RBM5: variants seen among roughly 807,000 people sequenced by gnomAD.
RBM5 encodes the protein RNA binding motif protein 5.
RBM5 carries 15 observed loss-of-function variants against 124.6 expected under a neutral mutation model. That is an observed-to-expected ratio of 0.12 (90% CI 0.08 to 0.19). RBM5 has a LOEUF of 0.19. RBM5 is among the 10% of genes least tolerant of loss of function. RBM5 has a pLI of 1.00. For synonymous variants in RBM5, 337 were observed against 361.2 expected, an observed-to-expected ratio of 0.93 and a Z score of 0.76; for missense variants, 580 against 1,026.5, an observed-to-expected ratio of 0.57 and a Z score of 5.94.
chr3:50,107,290 G>A (rs2091050995), intron 11 of RBM5, among the ~76,000 whole-genome samples, 192 bp from the exon 12 acceptor site: 1 of 152,210 alleles, frequency 6.6e-6, no homozygotes, highest in African/African-American at 2.4e-5. Flanking sequence ...CAGGTTACAA[G>A]GTAGAACAAT....
At chr3:50,097,876 G>A (rs2090852846) in intron 4 of RBM5, among the ~76,000 whole-genome samples, 1 of 152,166 alleles carries the variant, frequency 6.6e-6, no homozygotes, top group Non-Finnish European at 1.5e-5. Context: ...CAAGGTGGGT[G>A]GATTACCTGA....
intron 8 of RBM5, chr3:50,104,765 A>G (rs933058694): frequency 3.0e-6 from 1 of 330,174 alleles, no homozygotes; most frequent in Non-Finnish European, 5.5e-6. Context: ...CTTAGGTTAG[A>G]TAATGCTGCT....
chr3:50,107,444 T>C (rs1305421651), intron 11 of RBM5, 38 bp from the exon 12 acceptor site: 8 of 1,491,998 alleles, frequency 5.4e-6, no homozygotes, highest in Non-Finnish European at 4.7e-6. Context: ...GTGGGAATAC[T>C]GTGATAGAAT....
intron 17 of RBM5, among the ~76,000 whole-genome samples, chr3:50,111,513 A>T (rs2091144430): frequency 6.6e-6 from 1 of 151,938 alleles, no homozygotes; most frequent in African/African-American, 2.4e-5. Flanking sequence ...AGTAGCTGGT[A>T]GCTGGGATTA....
intron 3 of RBM5, 38 bp downstream of exon 3, chr3:50,092,246 C>A: frequency 3.8e-6 from 6 of 1,596,848 alleles, no homozygotes; most frequent in South Asian, 1.1e-5. Flanking sequence ...CCAAAACACT[C>A]TGAGCCTTAT....
Position 50,089,241 on chromosome 3 carries a change from C to G in RBM5, c.-54+212C>G, listed in dbSNP as rs537607047. ...TCCAGCCAGCTCAGCCTTGGGCCTG[C>G]TTCTTTCTGGCTGTGACTTTGCCCC... On this transcript the variant is annotated intron_variant, in intron 1 of 24. Transcript: ENST00000347869. Among the ~76,000 whole-genome samples the G allele has an allele frequency of 7.9e-5, 12 of 152,360 alleles. No homozygotes were observed. In the Middle Eastern group the frequency reaches 0.014, roughly 174 times the overall value.
chr3:50,099,925 A>G (rs1279047094), intron 4 of RBM5, 57 bp from the exon 5 acceptor site: 4 of 1,452,570 alleles, frequency 2.8e-6, no homozygotes, highest in African/African-American at 2.8e-5. Context: ...TTCCTATTCC[A>G]TGGGGAATAG....
In RBM5 at chr3:50,115,988, G is replaced by A; in HGVS notation, c.2094+8G>A. 1 of 1,608,338 alleles carries A rather than the reference G, an allele frequency of 6.2e-7. No individual in the cohort carries two copies. Among genetic ancestry groups the A allele is most frequent in the Non-Finnish European group, 8.5e-7 (1 of 1,174,806 alleles). ...GAGCTAAGGGAGAGAGAGGTGAATGGGAAACTGTGCCACAAGGAAGAGGAT... is the reference window on the plus strand; with the variant it reads ...GAGCTAAGGGAGAGAGAGGTGAATGAGAAACTGTGCCACAAGGAAGAGGAT... On this transcript the variant is annotated splice_region_variant and intron_variant, in intron 22 of 24. Transcript: ENST00000347869.
chr3:50,110,228 GT>G, intron 15 of RBM5, 150 bp from the exon 16 acceptor site: 1 of 647,240 alleles, frequency 1.5e-6, no homozygotes, highest in South Asian at 2.0e-5. Context: ...AAGCAAAAAA[GT>G]TGTCAACATG....
At chr3:50,114,450 A>G (rs2091204154) in intron 20 of RBM5, 199 bp downstream of exon 20, 1 of 538,714 alleles carries the variant, frequency 1.9e-6, no homozygotes, top group Non-Finnish European at 3.2e-6. Context: ...GGAGTGATGA[A>G]AGAAGCTTCA....
Position 50,100,678 on chromosome 3 carries a change from G to A in RBM5, c.483+73G>A. 2 of 1,291,820 alleles carry A rather than the reference G, an allele frequency of 1.5e-6. No homozygotes were observed. Among genetic ancestry groups the A allele is most frequent in the Non-Finnish European group, 1.1e-6 (1 of 912,222 alleles). The allele number at this position is 1,291,820 out of a possible 1,614,324, so 80.0% of individuals were successfully genotyped here. ...TGTACAATTTTAAAAAAAGGTTGAA[G>A]GAGTGGTTTGTTCCAAAGGAGTGAC... On this transcript the variant is annotated intron_variant, in intron 6 of 24. Transcript: ENST00000347869. This position sits in a 1 kb window ranked among gnomAD's most constrained non-coding sequence, Gnocchi z 5.1.
At chr3:50,116,033 G>GC in intron 22 of RBM5, 53 bp downstream of exon 22, 1 of 1,517,684 alleles carries the variant, frequency 6.6e-7, no homozygotes, top group East Asian at 2.3e-5. Context: ...ATTGCCTTTA[G>GC]CTTTTATTTG....
chr3:50,108,569 C>T (rs752635868), intron 14 of RBM5, among the ~76,000 whole-genome samples: 16 of 152,036 alleles, frequency 1.1e-4, no homozygotes, highest in Admixed American at 5.2e-4. Context: ...TAGCCAGGTG[C>T]GGTGGCAGGC....
chr3:50,104,806 G>A (rs888913998), intron 8 of RBM5: 7 of 386,224 alleles, frequency 1.8e-5, no homozygotes, highest in African/African-American at 1.2e-4. Flanking sequence ...AAGTTCTTTT[G>A]TTTTCTAGAA....
intron 4 of RBM5, among the ~76,000 whole-genome samples, chr3:50,096,526 G>T (rs1389328450): frequency 6.6e-6 from 1 of 152,020 alleles, no homozygotes; most frequent in Non-Finnish European, 1.5e-5. Flanking sequence ...TATTGAAAGA[G>T]GTCTGCCTAA....
At chr3:50,092,943 CTTTTTTTTTTTT>C (rs530934301) in intron 3 of RBM5, 20 of 79,174 alleles carry the variant, frequency 2.5e-4, no homozygotes, top group South Asian at 8.7e-4. Flanking sequence ...CTTGATATAT[CTTTTTTTTTTTT>C]TTTTTTTTTT....
chr3:50,092,314 C>G, intron 3 of RBM5, 106 bp downstream of exon 3: 1 of 1,297,190 alleles, frequency 7.7e-7, no homozygotes, highest in Non-Finnish European at 1.0e-6. Flanking sequence ...ATAATCCTAT[C>G]ACTTTGGGAG....
rs565805947 is a variant in RBM5 at position 50,105,360 on chromosome 3, G to A, written c.695-189G>A. On this transcript the variant is annotated intron_variant, in intron 9 of 24. Coordinates refer to ENST00000347869, the MANE Select transcript of RBM5 (RefSeq NM_005778.4). ...GAAATTTCTGTTCTCCTACCCTTTT[G>A]TAAGGAGCAGCAGCAGCTTCGGGTT... Among the ~76,000 whole-genome samples, 8 of 151,810 alleles carry A rather than the reference G, an allele frequency of 5.3e-5. No individual in the cohort carries two copies. In the East Asian group the frequency reaches 1.5e-3, roughly 29 times the overall value.
intron 4 of RBM5, among the ~76,000 whole-genome samples, chr3:50,098,206 G>T (rs1358363891): frequency 6.6e-6 from 1 of 152,108 alleles, no homozygotes; most frequent in Non-Finnish European, 1.5e-5. Context: ...TTCTTGATTA[G>T]GCGTACTTCA....
Sources: gnomAD v4.1 joint callset for allele counts (sites outside exome capture counted in the v4.1 genomes callset) on GRCh38, gnomAD v4.1.1 for gene constraint, Gnocchi (gnomAD v3.1) non-coding constraint, MANE v1.5 for transcripts, NCBI Gene and HGNC (gene_info 2026-07-23, HGNC 2026-07-21) for gene names.